FCHSD2: variants seen among roughly 807,000 people sequenced by gnomAD.
The protein encoded by FCHSD2 is FCH and double SH3 domains 2.
In FCHSD2, 38 loss-of-function variants were observed where a neutral mutation model predicts 108.1. That is an observed-to-expected ratio of 0.35 (90% confidence interval 0.27 to 0.46). FCHSD2 has a LOEUF of 0.46. Among genes scored for constraint, FCHSD2 ranks in the 20% least tolerant of loss-of-function variants. FCHSD2 has a pLI of 1.00. For missense variants in FCHSD2, 751 were observed against 897.8 expected (o/e 0.84, Z 2.09); for synonymous variants, 279 against 314.7 (o/e 0.89, Z 1.20).
intron 2 of FCHSD2, among the ~76,000 whole-genome samples, chr11:73,087,423 T>G (rs1011170479): frequency 6.6e-6 from 1 of 152,084 alleles, no homozygotes; most frequent in African/African-American, 2.4e-5. Flanking sequence ...GAAAAGTTTT[T>G]GGGCCAGGTG....
intron 3 of FCHSD2, among the ~76,000 whole-genome samples, chr11:73,022,762 G>A (rs1307385807): frequency 1.3e-5 from 2 of 152,024 alleles, no homozygotes; most frequent in African/African-American, 4.8e-5. Context: ...AACAAAATCA[G>A]AGCACTCTCA....
intron 2 of FCHSD2, among the ~76,000 whole-genome samples, chr11:73,094,410 C>T (rs775850459): frequency 2.6e-5 from 4 of 152,102 alleles, no homozygotes; most frequent in Non-Finnish European, 4.4e-5. Flanking sequence ...AATTCCAATA[C>T]TAGTTATATA....
chr11:72,982,483 G>A (rs1024355671), intron 8 of FCHSD2, among the ~76,000 whole-genome samples: 1 of 152,204 alleles, frequency 6.6e-6, no homozygotes, highest in African/African-American at 2.4e-5. Context: ...ATGATAAAAT[G>A]TTTGGGTTTT....
chr11:72,983,293 C>CAA (rs558732342), intron 8 of FCHSD2, among the ~76,000 whole-genome samples: 1 of 106,008 alleles, frequency 9.4e-6, no homozygotes, highest in Admixed American at 1.0e-4. Flanking sequence ...GACTCCGTCT[C>CAA]AAAAAAAAAA....
intron 2 of FCHSD2, among the ~76,000 whole-genome samples, chr11:73,089,898 A>G (rs1048493547): frequency 8.5e-5 from 13 of 152,192 alleles, no homozygotes; most frequent in Non-Finnish European, 1.5e-4. Flanking sequence ...GAGAAAGAGT[A>G]ATATTTTTTT....
chr11:72,909,138 G>A (rs553833981), intron 9 of FCHSD2, among the ~76,000 whole-genome samples: 3 of 152,048 alleles, frequency 2.0e-5, no homozygotes, highest in South Asian at 2.1e-4. Flanking sequence ...TTGGGCTCCC[G>A]TGATTCTCCT....
chr11:73,056,259 T>A (rs1053243154), intron 3 of FCHSD2, among the ~76,000 whole-genome samples: 1 of 152,138 alleles, frequency 6.6e-6, no homozygotes, highest in East Asian at 1.9e-4. Flanking sequence ...CGAGCCAAGG[T>A]AGGGGTCCTG....
chr11:72,855,144 A>G, intron 13 of FCHSD2, among the ~76,000 whole-genome samples: 1 of 152,124 alleles, frequency 6.6e-6, no homozygotes, highest in East Asian at 1.9e-4. Flanking sequence ...GTGGTGGCGC[A>G]TGCCTATAAC....
At chr11:72,940,353 T>C (rs1483044216) in intron 8 of FCHSD2, 1 of 437,236 alleles carries the variant, frequency 2.3e-6, no homozygotes, top group Non-Finnish European at 4.1e-6. Context: ...ATTAGAAACA[T>C]GCTAGTTTCT....
intron 2 of FCHSD2, among the ~76,000 whole-genome samples, chr11:73,090,557 G>A (rs915559282): frequency 1.9e-4 from 29 of 151,954 alleles, no homozygotes; most frequent in Admixed American, 1.8e-3. Context: ...ATTTCCTCAC[G>A]TCAAAAACTG....
At chr11:73,025,149 A>G (rs568455477) in intron 3 of FCHSD2, among the ~76,000 whole-genome samples, 2 of 152,246 alleles carry the variant, frequency 1.3e-5, no homozygotes, top group Non-Finnish European at 2.9e-5. Context: ...TACATACCCA[A>G]AGGAATATAA....
At chr11:72,866,371 G>A (rs1232590221) in intron 13 of FCHSD2, among the ~76,000 whole-genome samples, 1 of 152,134 alleles carries the variant, frequency 6.6e-6, no homozygotes, top group African/African-American at 2.4e-5. Flanking sequence ...CCGGGTTCAA[G>A]CGATTCTTCT....
intron 8 of FCHSD2, among the ~76,000 whole-genome samples, chr11:72,923,268 T>C (rs2135313468): frequency 6.6e-6 from 1 of 152,326 alleles, no homozygotes; most frequent in East Asian, 1.9e-4. Context: ...AACATTTGTG[T>C]ACAAGGTTTT....
chr11:73,014,005 AC>A (rs1857915711), intron 4 of FCHSD2, among the ~76,000 whole-genome samples: 1 of 152,016 alleles, frequency 6.6e-6, no homozygotes, highest in African/African-American at 2.4e-5. Flanking sequence ...TCCCATGCTC[AC>A]TGTCACCTCA....
chr11:73,114,580 C>T (rs759202849), intron 2 of FCHSD2, among the ~76,000 whole-genome samples: 3 of 152,096 alleles, frequency 2.0e-5, no homozygotes, highest in Non-Finnish European at 4.4e-5. Flanking sequence ...TCACCCAAGA[C>T]CCACAGCGTA....
intron 8 of FCHSD2, among the ~76,000 whole-genome samples, chr11:72,936,907 G>A (rs1856314539): frequency 6.6e-6 from 1 of 152,062 alleles, no homozygotes; most frequent in Non-Finnish European, 1.5e-5. Context: ...TCTTTGTCTA[G>A]TAAGTCCAAT....
At chr11:72,879,111 A>AAAAAC (rs1406167289) in intron 12 of FCHSD2, among the ~76,000 whole-genome samples, 1 of 152,134 alleles carries the variant, frequency 6.6e-6, no homozygotes, top group Non-Finnish European at 1.5e-5. Context: ...ACTTTGTCTC[A>AAAAAC]AAAACAAAAC....
chr11:72,857,637 C>T (rs536440846), intron 13 of FCHSD2, among the ~76,000 whole-genome samples: 15 of 148,994 alleles, frequency 1.0e-4, no homozygotes, highest in African/African-American at 2.5e-4. Flanking sequence ...TTAGTAGAGA[C>T]GGGGGTTTCA....
chr11:72,912,225 TC>T, intron 9 of FCHSD2, among the ~76,000 whole-genome samples: 1 of 152,212 alleles, frequency 6.6e-6, no homozygotes, highest in East Asian at 1.9e-4. Flanking sequence ...ATGTTCCAAA[TC>T]TTAGAGGAAA....
Sources: allele counts gnomAD v4.1 joint callset (sites outside exome capture counted in the v4.1 genomes callset), GRCh38; gene constraint gnomAD v4.1.1; transcripts MANE v1.5; gene names NCBI Gene and HGNC (gene_info 2026-07-23, HGNC 2026-07-21).